The following IL36B variants were observed in gnomAD, a reference collection of about 807,000 sequenced individuals.
IL36B encodes the protein interleukin 36 beta, also known as interleukin-36 beta.
Under a neutral mutation model 19.3 loss-of-function variants are expected in IL36B, and 23 were observed. That is an observed-to-expected ratio of 1.19 (90% CI 0.86 to 1.69). The LOEUF is 1.69. IL36B is among the 40% of genes most tolerant of loss of function. IL36B has a pLI of 0.00. For missense variants in IL36B, 217 were observed against 200.5 expected (o/e 1.08, Z -0.50); for synonymous variants, 59 against 59.7 (o/e 0.99, Z 0.05).
rs773133888 is a variant in IL36B at position 113,026,216 on chromosome 2, T to C, written c.278A>G (p.Asp93Gly). 1 of 1,613,854 alleles carries C rather than the reference T, an allele frequency of 6.2e-7. No individual in the cohort carries two copies. Among genetic ancestry groups the C allele is most frequent in the Non-Finnish European group, 8.5e-7 (1 of 1,179,772 alleles). Residue 93 changes from aspartate to glycine, a missense_variant, in exon 5 of 6, where the codon GAT becomes GGT. By Grantham distance (94) the Asp-to-Gly change is moderately conservative (BLOSUM62 -1). Transcript: ENST00000259213. ...CCAGCAAGTGTCCTTCCCTATGTTATCTTGGGAGCCCTGAAGCTGGAAGAG... is the reference window on the plus strand; with the variant it reads ...CCAGCAAGTGTCCTTCCCTATGTTACCTTGGGAGCCCTGAAGCTGGAAGAG...
At chr2:113,025,131 C>T (rs891687459) in intron 5 of IL36B, among the ~76,000 whole-genome samples, 1 of 152,166 alleles carries the variant, frequency 6.6e-6, no homozygotes, top group Non-Finnish European at 1.5e-5. Flanking sequence ...CCTGGGGATA[C>T]CCTTGGTTAT....
chr2:113,027,796 G>A, intron 4 of IL36B: 5 of 1,509,302 alleles, frequency 3.3e-6, no homozygotes, highest in Non-Finnish European at 4.4e-6. Context: ...GGTAAGCTAT[G>A]GATGGGCTGA....
chr2:113,048,151 A>G (rs1459496236), intron 1 of IL36B, among the ~76,000 whole-genome samples: 1 of 152,334 alleles, frequency 6.6e-6, no homozygotes, highest in East Asian at 1.9e-4. Context: ...GTTTAAAGGT[A>G]AGAAGGTGGA....
rs1006239135 is a variant in IL36B at position 113,038,970 on chromosome 2, A to G, written c.-57-7204T>C. 7.9e-5 allele frequency among the ~76,000 whole-genome samples: 12 copies of G among 152,190 alleles called. No individual in the cohort carries two copies. The East Asian group carries it at 9.6e-4, about 12-fold the overall frequency. On this transcript the variant is annotated intron_variant, in intron 1 of 5. Transcript: ENST00000259213. ...CTGTCAGTTTCAGACTGGATTAACC[A>G]TGTTTTCCCATGTCCCTTTCTCACC...
In IL36B at chr2:113,023,500, T is replaced by C. The variant is rs10514809; in HGVS notation, c.392-723A>G. The stretch of plus-strand genomic sequence containing the variant: ...CTGCAAAATTTAACCTGCTAAACTG[T>C]ACGAGCAATAGAGAACATCAGTGTA... On this transcript the variant is annotated intron_variant, in intron 5 of 5. Transcript: ENST00000259213. 5.6e-3 allele frequency among the ~76,000 whole-genome samples: 858 copies of C among 152,336 alleles called. 6 individuals carry two copies. The highest frequency in any genetic ancestry group is 0.02 in the African/African-American group (817 of 41,582).
chr2:113,050,363 G>A (rs1379308563), intron 1 of IL36B, among the ~76,000 whole-genome samples: 1 of 151,746 alleles, frequency 6.6e-6, no homozygotes, highest in South Asian at 2.1e-4. Context: ...AAAAAATACC[G>A]TGTAATTCCA....
chr2:113,030,218 T>G (rs1573367257), intron 3 of IL36B, among the ~76,000 whole-genome samples: 1 of 148,022 alleles, frequency 6.8e-6, no homozygotes. Flanking sequence ...GGTGACAGAG[T>G]GAGACTCCGT....
chr2:113,023,570 G>A (rs1383783612), intron 5 of IL36B, among the ~76,000 whole-genome samples: 2 of 152,270 alleles, frequency 1.3e-5, no homozygotes, highest in East Asian at 3.9e-4. Flanking sequence ...TTGGGAGGTG[G>A]CACTCTGTCA....
At position 113,031,168 on chromosome 2, in the gene IL36B, A is replaced by T. The variant is rs1164371514; in HGVS notation, c.14-13T>A. 2 of 1,567,646 alleles carry T rather than the reference A, an allele frequency of 1.3e-6. No individual in the cohort carries two copies. The highest frequency in any genetic ancestry group is 2.2e-5 in the South Asian group (2 of 90,124). On this transcript the variant is annotated splice_polypyrimidine_tract_variant and intron_variant, in intron 2 of 5. Transcript: ENST00000259213. ...GGTGCTGCCTCCCCTGCCAGATGAC[A>T]AAAATGCACAAAATACACGTGAGGT...
chr2:113,023,847 A>G (rs552252416), intron 5 of IL36B, among the ~76,000 whole-genome samples: 1 of 152,282 alleles, frequency 6.6e-6, no homozygotes, highest in African/African-American at 2.4e-5. Flanking sequence ...CTTGTTGATA[A>G]CCCGTGTTGT....
chr2:113,042,508 A>G (rs992415203), intron 1 of IL36B, among the ~76,000 whole-genome samples: 3 of 152,138 alleles, frequency 2.0e-5, no homozygotes, highest in Admixed American at 6.5e-5. Flanking sequence ...CCTATTCACC[A>G]GGAATCTACA....
chr2:113,031,777 T>G lies in IL36B; in HGVS notation c.-57-11A>C. 7.9e-7 allele frequency: 1 copy of G among 1,272,680 alleles called. No individual in the cohort carries two copies. The highest frequency in any genetic ancestry group is 1.2e-5 in the South Asian group (1 of 81,690). 78.8% of individuals were successfully genotyped at this position (1,272,680 alleles called of 1,614,324 possible). A position where few individuals can be genotyped will look rare whatever the true frequency, so the allele number is the denominator to read the frequency against. On this transcript the variant is annotated splice_polypyrimidine_tract_variant and intron_variant, in intron 1 of 5. Transcript: ENST00000259213. ...ATGGTGGTGAGGAGGCTGTTAACAGTTGGCCATGTGAGAGAAGGAGAGAAG... is the reference window on the plus strand; with the variant it reads ...ATGGTGGTGAGGAGGCTGTTAACAGGTGGCCATGTGAGAGAAGGAGAGAAG...
At chr2:113,028,208 G>T in intron 4 of IL36B, 93 bp from the exon 5 acceptor site, 1 of 979,734 alleles carries the variant, frequency 1.0e-6, no homozygotes, top group Non-Finnish European at 1.6e-6. Context: ...AGGGACTGCT[G>T]CCCCCAAAGG....
In IL36B at chr2:113,022,681, C is replaced by G; in HGVS notation, c.488G>C (p.Arg163Thr). Residue 163 changes from arginine to threonine, a missense_variant, in exon 6 of 6, where the codon AGG becomes ACG. Arg to Thr is a moderately conservative substitution (Grantham distance 71). Transcript: ENST00000259213. Reference sequence around the variant, plus strand: ...ATCTTCCTCCCCTTATTTCTACATCCTTCCTGGCATTCCTATGTTGGTCCG... The same window carrying G: ...ATCTTCCTCCCCTTATTTCTACATCGTTCCTGGCATTCCTATGTTGGTCCG... The G allele has an allele frequency of 6.3e-7, 1 of 1,595,314 alleles. No individual in the cohort carries two copies. The highest frequency in any genetic ancestry group is 8.6e-7 in the Non-Finnish European group (1 of 1,162,866).
intron 1 of IL36B, among the ~76,000 whole-genome samples, chr2:113,037,889 G>C (rs1685189810): frequency 6.6e-6 from 1 of 152,130 alleles, no homozygotes; most frequent in African/African-American, 2.4e-5. Context: ...TTGAAATTAG[G>C]TCAGATTAAT....
At chr2:113,030,483 T>C (rs1279043869) in intron 3 of IL36B, among the ~76,000 whole-genome samples, 1 of 152,090 alleles carries the variant, frequency 6.6e-6, no homozygotes, top group Non-Finnish European at 1.5e-5. Context: ...GAGGAAAATG[T>C]GGGAATCAAG....
At chr2:113,031,663 A>G in intron 2 of IL36B, 34 bp downstream of exon 2, 2 of 1,585,140 alleles carry the variant, frequency 1.3e-6, no homozygotes, top group Non-Finnish European at 1.7e-6. Flanking sequence ...TCAGATGGAG[A>G]TATTTCCAAG....
intron 1 of IL36B, among the ~76,000 whole-genome samples, chr2:113,045,945 A>G (rs1269394443): frequency 1.3e-5 from 2 of 152,012 alleles, no homozygotes; most frequent in African/African-American, 4.8e-5. Flanking sequence ...TTCTCCTCAT[A>G]CTGTGTCTGA....
intron 1 of IL36B, among the ~76,000 whole-genome samples, chr2:113,052,544 G>A (rs35765801): frequency 0.012 from 1,818 of 152,254 alleles, 12 homozygotes; most frequent in Non-Finnish European, 0.019. Context: ...GACTGATGTG[G>A]GAATGAGGCA....
Sources: gnomAD v4.1 joint callset for allele counts (sites outside exome capture counted in the v4.1 genomes callset) on GRCh38, gnomAD v4.1.1 for gene constraint, MANE v1.5 for transcripts, NCBI Gene and HGNC (gene_info 2026-07-23, HGNC 2026-07-21) for gene names.